Variants in FSTL4 observed in about 807,000 individuals in gnomAD.
The protein encoded by FSTL4 is follistatin-related protein 4.
A neutral mutation model predicts 78.2 loss-of-function variants in FSTL4; 28 were observed. The ratio of observed to expected loss-of-function variants is 0.36; its 90% CI spans 0.27 to 0.49. The LOEUF is 0.49. FSTL4 is among the 20% of genes least tolerant of loss of function. The pLI, the probability that FSTL4 is intolerant of heterozygous loss-of-function variation, is 0.98. For synonymous variants in FSTL4, 422 were observed against 440.5 expected, an observed-to-expected ratio of 0.96 and a Z score of 0.53; for missense variants, 922 against 1,084.9, an observed-to-expected ratio of 0.85 and a Z score of 2.11.
intron 6 of FSTL4, among the ~76,000 whole-genome samples, chr5:133,299,196 C>A (rs773809400): frequency 2.0e-5 from 3 of 152,170 alleles, no homozygotes; most frequent in Non-Finnish European, 4.4e-5. Flanking sequence ...GGATCATAGG[C>A]TTGGGCTGAG....
At chr5:133,466,359 G>A (rs886439549) in intron 3 of FSTL4, among the ~76,000 whole-genome samples, 7 of 152,036 alleles carry the variant, frequency 4.6e-5, no homozygotes, top group African/African-American at 7.2e-5. Context: ...TGGCTAACAC[G>A]GTGAAACCCC....
chr5:133,239,988 G>A (rs1175516240), intron 7 of FSTL4, among the ~76,000 whole-genome samples: 2 of 152,206 alleles, frequency 1.3e-5, no homozygotes, highest in Admixed American at 1.3e-4. Context: ...AGTCAGAAGT[G>A]GCAACACGCT....
At chr5:133,508,051 T>C (rs915732933) in intron 3 of FSTL4, among the ~76,000 whole-genome samples, 4 of 152,128 alleles carry the variant, frequency 2.6e-5, no homozygotes, top group African/African-American at 9.7e-5. Flanking sequence ...CAGCAATGAA[T>C]TTTTCTTTTA....
chr5:133,726,127 T>C, the FSTL4 span, among the ~76,000 whole-genome samples: 1 of 152,160 alleles, frequency 6.6e-6, no homozygotes, highest in Non-Finnish European at 1.5e-5. Context: ...ATCTCCTCCA[T>C]ATGGAACTGA....
the FSTL4 span, among the ~76,000 whole-genome samples, chr5:133,630,742 A>C: frequency 2.0e-5 from 3 of 152,208 alleles, no homozygotes; most frequent in Non-Finnish European, 4.4e-5. Flanking sequence ...TTCAATCTAT[A>C]CTACAAGGCT....
At chr5:133,820,756 G>C in the FSTL4 span, among the ~76,000 whole-genome samples, 1 of 152,156 alleles carries the variant, frequency 6.6e-6, no homozygotes, top group African/African-American at 2.4e-5. Flanking sequence ...CTGAAGAGCA[G>C]AAACCAACTG....
chr5:133,257,234 G>A (rs1387305624), intron 6 of FSTL4, among the ~76,000 whole-genome samples: 1 of 152,172 alleles, frequency 6.6e-6, no homozygotes, highest in African/African-American at 2.4e-5. Flanking sequence ...TGGCTTAGCA[G>A]AGAAGACAAG....
chr5:133,461,944 G>A (rs368037112), intron 3 of FSTL4, among the ~76,000 whole-genome samples: 5 of 152,244 alleles, frequency 3.3e-5, no homozygotes, highest in African/African-American at 1.2e-4. Flanking sequence ...ACAAGCTCTA[G>A]GCCTATGCAG....
chr5:133,753,683 C>CTGTGTGTGTGTGTG, the FSTL4 span, among the ~76,000 whole-genome samples: 11 of 120,692 alleles, frequency 9.1e-5, no homozygotes, highest in South Asian at 3.1e-4. Context: ...CACATTTGTT[C>CTGTGTGTGTGTGTG]TGTGTGTGTG....
intron 7 of FSTL4, among the ~76,000 whole-genome samples, 196 bp downstream of exon 7, chr5:133,249,214 G>A (rs1319812759): frequency 6.6e-6 from 1 of 152,174 alleles, no homozygotes; most frequent in African/African-American, 2.4e-5. Flanking sequence ...ACATAGCATG[G>A]CCACCATTCA....
intron 3 of FSTL4, among the ~76,000 whole-genome samples, chr5:133,460,968 A>C (rs1299972568): frequency 6.6e-6 from 1 of 152,254 alleles, no homozygotes; most frequent in Non-Finnish European, 1.5e-5. Flanking sequence ...CCATGATATT[A>C]ATTGTATGTA....
At chr5:133,277,923 G>T (rs576762318) in intron 6 of FSTL4, among the ~76,000 whole-genome samples, 7 of 152,186 alleles carry the variant, frequency 4.6e-5, no homozygotes, top group Non-Finnish European at 7.3e-5. Context: ...CGCGACAAGG[G>T]ATTTCATCAC....
intron 3 of FSTL4, among the ~76,000 whole-genome samples, chr5:133,493,084 T>C (rs1474209125): frequency 6.6e-6 from 1 of 152,176 alleles, no homozygotes; most frequent in East Asian, 1.9e-4. Flanking sequence ...ATTCCTTCTT[T>C]ATAATTCTCT....
At chr5:133,595,403 G>A (rs1561481000) in intron 2 of FSTL4, among the ~76,000 whole-genome samples, 1 of 152,222 alleles carries the variant, frequency 6.6e-6, no homozygotes, top group Non-Finnish European at 1.5e-5. Flanking sequence ...ATGACAAAAG[G>A]AATAGTAAAA....
intron 5 of FSTL4, among the ~76,000 whole-genome samples, chr5:133,316,237 CA>C (rs1390462266): frequency 6.6e-6 from 1 of 152,194 alleles, no homozygotes; most frequent in Admixed American, 6.5e-5. Context: ...CATCAGAGAC[CA>C]GGCCCTCTGA....
the FSTL4 span, among the ~76,000 whole-genome samples, chr5:133,682,898 T>G: frequency 1.3e-5 from 2 of 152,122 alleles, no homozygotes; most frequent in Admixed American, 1.3e-4. Context: ...AGTTCTCCAT[T>G]GTAGCAGAGT....
At chr5:133,607,049 ATCTGGAAACAGGAAAAC>A (rs57601017) in intron 1 of FSTL4, among the ~76,000 whole-genome samples, 35,298 of 151,726 alleles carry the variant, frequency 0.23, 4,261 homozygotes, top group African/African-American at 0.28. Flanking sequence ...GTAAGATTGT[ATCTGGAAACAGGAAAAC>A]TCTGGAAACA....
At chr5:133,329,039 G>A (rs993347115) in intron 4 of FSTL4, among the ~76,000 whole-genome samples, 1 of 152,192 alleles carries the variant, frequency 6.6e-6, no homozygotes, top group African/African-American at 2.4e-5. Context: ...TAGAGACACG[G>A]CCGGGTCTGA....
At chr5:133,551,375 GCAAA>G (rs1352292204) in intron 3 of FSTL4, among the ~76,000 whole-genome samples, 1 of 152,160 alleles carries the variant, frequency 6.6e-6, no homozygotes, top group Non-Finnish European at 1.5e-5. Flanking sequence ...AATGTACAAA[GCAAA>G]CAATTAAGAC....
Sources: allele counts gnomAD v4.1 joint callset (sites outside exome capture counted in the v4.1 genomes callset), GRCh38; gene constraint gnomAD v4.1.1; transcripts MANE v1.5; gene names NCBI Gene and HGNC (gene_info 2026-07-23, HGNC 2026-07-21).